DOCK4: variants seen among roughly 807,000 people sequenced by gnomAD.
The protein encoded by DOCK4 is dedicator of cytokinesis protein 4.
Under a neutral mutation model 268.1 loss-of-function variants are expected in DOCK4, and 97 were observed. The observed-to-expected ratio is 0.36, with a 90% CI of 0.31 to 0.43. The LOEUF (loss-of-function observed/expected upper bound fraction) is 0.43. Ranked by LOEUF, DOCK4 falls within the 20% of genes least tolerant of loss-of-function variation. DOCK4 has a pLI of 1.00. For synonymous variants in DOCK4, 954 were observed against 887.2 expected, an observed-to-expected ratio of 1.08 and a Z score of -1.34; for missense variants, 2,145 against 2,455.7, an observed-to-expected ratio of 0.87 and a Z score of 2.67.
chr7:112,118,735 G>A (rs1330788774), intron 1 of DOCK4, among the ~76,000 whole-genome samples: 1 of 152,066 alleles, frequency 6.6e-6, no homozygotes, highest in Admixed American at 6.5e-5. Context: ...AATGAAACAA[G>A]CCAGTTTGGC....
At chr7:111,825,592 C>T (rs1049301858) in intron 26 of DOCK4, among the ~76,000 whole-genome samples, 1 of 152,156 alleles carries the variant, frequency 6.6e-6, no homozygotes, top group Non-Finnish European at 1.5e-5. Flanking sequence ...GAAATAAGTG[C>T]TTCATATGCT....
At position 111,742,087 on chromosome 7, in the gene DOCK4, G is replaced by A. The variant is rs1419392489; in HGVS notation, c.4723C>T (p.Pro1575Ser). 2 of 1,603,680 alleles carry A rather than the reference G, an allele frequency of 1.2e-6. No homozygotes were observed. Among genetic ancestry groups the A allele is most frequent in the Non-Finnish European group, 1.7e-6 (2 of 1,176,422 alleles). Residue 1575 changes from proline (P) to serine (S), a missense_variant, in exon 45 of 53, where the codon CCT becomes TCT. Transcript: ENST00000428084. ...TTGTGAAGGGGTCTCATATCTTGAG[G>A]TACAAACTTCTCATGCACGGCCAAA... ...FGLAVHEKFV[P>S]QDMRPLHKKL...
At chr7:112,076,687 T>C (rs905670657) in intron 1 of DOCK4, among the ~76,000 whole-genome samples, 1 of 152,166 alleles carries the variant, frequency 6.6e-6, no homozygotes, top group African/African-American at 2.4e-5. Context: ...CCATATAAAG[T>C]GTGTTCAGGG....
intron 1 of DOCK4, among the ~76,000 whole-genome samples, chr7:112,164,317 C>A (rs775312188): frequency 5.9e-5 from 9 of 152,052 alleles, no homozygotes; most frequent in Non-Finnish European, 1.0e-4. Context: ...GTATTCTAAT[C>A]ATATTAATAT....
At chr7:112,061,500 C>T (rs1276102734) in intron 1 of DOCK4, among the ~76,000 whole-genome samples, 3 of 152,058 alleles carry the variant, frequency 2.0e-5, no homozygotes, top group East Asian at 1.9e-4. Flanking sequence ...CGACCTTGGG[C>T]CTGCTACACA....
intron 7 of DOCK4, among the ~76,000 whole-genome samples, chr7:111,981,904 C>T (rs544359323): frequency 1.1e-4 from 16 of 152,236 alleles, no homozygotes; most frequent in Middle Eastern, 6.8e-3. Flanking sequence ...AATCAATTTG[C>T]CATCCCATAT....
At chr7:112,021,028 A>G (rs1230534467) in intron 1 of DOCK4, among the ~76,000 whole-genome samples, 1 of 152,206 alleles carries the variant, frequency 6.6e-6, no homozygotes, top group Non-Finnish European at 1.5e-5. Flanking sequence ...CCAAGTGAGG[A>G]TGGGAGATGG....
chr7:112,020,498 C>T (rs1246605480), intron 1 of DOCK4, among the ~76,000 whole-genome samples: 2 of 151,940 alleles, frequency 1.3e-5, no homozygotes, highest in Non-Finnish European at 2.9e-5. Context: ...TCGTGAAAAA[C>T]CAATATTTTA....
chr7:111,950,231 A>T (rs1418173616), intron 8 of DOCK4, among the ~76,000 whole-genome samples: 1 of 152,218 alleles, frequency 6.6e-6, no homozygotes, highest in Non-Finnish European at 1.5e-5. Context: ...CTGGCCAATA[A>T]TATTGCATTC....
intron 16 of DOCK4, among the ~76,000 whole-genome samples, chr7:111,884,906 C>G (rs182919652): frequency 5.5e-4 from 83 of 152,222 alleles, no homozygotes; most frequent in Admixed American, 2.9e-3. Flanking sequence ...CAGCTGTTGC[C>G]TAGAGTTTAA....
At chr7:112,008,159 C>G (rs190239116) in intron 1 of DOCK4, among the ~76,000 whole-genome samples, 1 of 152,134 alleles carries the variant, frequency 6.6e-6, no homozygotes, top group African/African-American at 2.4e-5. Flanking sequence ...TATAAATATT[C>G]GGTTCTATTA....
At chr7:111,860,013 C>G (rs1340979567) in intron 23 of DOCK4, among the ~76,000 whole-genome samples, 2 of 152,176 alleles carry the variant, frequency 1.3e-5, no homozygotes, top group Non-Finnish European at 2.9e-5. Flanking sequence ...TCCAGTCAGA[C>G]AGAATCAGCC....
chr7:111,980,260 C>T (rs138779198), intron 7 of DOCK4, among the ~76,000 whole-genome samples: 400 of 152,268 alleles, frequency 2.6e-3, no homozygotes, highest in African/African-American at 9.3e-3. Context: ...GTCTAGGACC[C>T]ATTTGGACTT....
intron 1 of DOCK4, among the ~76,000 whole-genome samples, chr7:112,170,654 T>C (rs542490422): frequency 3.2e-4 from 49 of 152,318 alleles, no homozygotes; most frequent in African/African-American, 1.1e-3. Context: ...ATTTAACATA[T>C]TTTATAAAAA....
intron 20 of DOCK4, among the ~76,000 whole-genome samples, chr7:111,871,773 G>A (rs1430740825): frequency 6.6e-6 from 1 of 152,160 alleles, no homozygotes; most frequent in Non-Finnish European, 1.5e-5. Flanking sequence ...TAGGGCTCAG[G>A]AATAGAATTC....
intron 8 of DOCK4, among the ~76,000 whole-genome samples, chr7:111,976,237 T>C (rs1193372993): frequency 9.0e-6 from 1 of 110,642 alleles, no homozygotes; most frequent in African/African-American, 3.3e-5. Flanking sequence ...TGTGTGTATA[T>C]ATATGTGTAT....
chr7:111,876,931 A>T, intron 17 of DOCK4, 99 bp downstream of exon 17: 1 of 1,134,148 alleles, frequency 8.8e-7, no homozygotes, highest in Non-Finnish European at 1.1e-6. Flanking sequence ...TAATTTTTCT[A>T]AAGTTCTTAA....
intron 13 of DOCK4, among the ~76,000 whole-genome samples, chr7:111,911,414 T>G (rs558293770): frequency 2.6e-5 from 4 of 152,238 alleles, no homozygotes; most frequent in African/African-American, 7.2e-5. Flanking sequence ...TTCAGTTGTT[T>G]AAGGAAATAC....
intron 8 of DOCK4, among the ~76,000 whole-genome samples, chr7:111,974,492 ATGTG>A (rs59409689): frequency 0.074 from 6,228 of 84,210 alleles, 250 homozygotes; most frequent in African/African-American, 0.1. Flanking sequence ...TTGAAGAGGG[ATGTG>A]TGTGTGTGTG....
Sources: allele counts gnomAD v4.1 joint callset (sites outside exome capture counted in the v4.1 genomes callset), GRCh38; gene constraint gnomAD v4.1.1; transcripts MANE v1.5; gene names NCBI Gene and HGNC (gene_info 2026-07-23, HGNC 2026-07-21).